Variants in LRP8 observed in about 807,000 individuals in gnomAD.
The protein encoded by LRP8 is low-density lipoprotein receptor-related protein 8.
LRP8 carries 46 observed loss-of-function variants against 111.6 expected under a neutral mutation model. That is an observed-to-expected ratio of 0.41 (90% CI 0.33 to 0.53). The LOEUF (loss-of-function observed/expected upper bound fraction) is 0.53. Ranked by LOEUF, LRP8 falls within the 20% of genes least tolerant of loss-of-function variation. LRP8 has a pLI of 0.20. For synonymous variants in LRP8, 464 were observed against 511.2 expected, an observed-to-expected ratio of 0.91 and a Z score of 1.24; for missense variants, 959 against 1,297.4, an observed-to-expected ratio of 0.74 and a Z score of 4.01.
chr1:53,321,625 G>T (rs993288664), intron 2 of LRP8, among the ~76,000 whole-genome samples: 3 of 152,066 alleles, frequency 2.0e-5, no homozygotes, highest in Non-Finnish European at 4.4e-5. Context: ...TTGTCAAGTC[G>T]GCCACCAGCA....
At chr1:53,263,772 T>G (rs1646438865) in intron 10 of LRP8, among the ~76,000 whole-genome samples, 1 of 152,196 alleles carries the variant, frequency 6.6e-6, no homozygotes, top group Non-Finnish European at 1.5e-5. Context: ...AGACCCACTT[T>G]CTAATGAGCA....
intron 2 of LRP8, among the ~76,000 whole-genome samples, chr1:53,313,312 C>A (rs987134194): frequency 3.9e-5 from 6 of 152,204 alleles, no homozygotes; most frequent in African/African-American, 1.4e-4. Context: ...ACAGCAGGCG[C>A]TTCCCAGGGA....
chr1:53,271,150 A>G lies in LRP8; in HGVS notation c.1130T>C (p.Ile377Thr), dbSNP rs1646748121. ...GGCATCTGGGTCCTTGCACTCATCAATGTCTGTGGGGAGGAGCAGGAGTCA... is the reference window on the plus strand; with the variant it reads ...GGCATCTGGGTCCTTGCACTCATCAGTGTCTGTGGGGAGGAGCAGGAGTCA... ...QLLDQKTCGD[I>T]DECKDPDACS... The change falls in exon 8 of 19, where the codon ATT becomes ACT. Residue 377 changes from isoleucine (I) to threonine (T), a missense_variant. Physicochemically the swap from Ile to Thr is moderately conservative, Grantham distance 89 (BLOSUM62 -1). This residue lies in a region of LRP8 where 819 missense variants were observed against 1,097.6 expected (regional missense o/e 0.75). Transcript: ENST00000306052. The G allele has an allele frequency of 6.2e-7, 1 of 1,613,588 alleles. No individual in the cohort carries two copies. Among genetic ancestry groups the G allele is most frequent in the Non-Finnish European group, 8.5e-7 (1 of 1,179,940 alleles).
chr1:53,278,994 C>G (rs905003669), intron 4 of LRP8, among the ~76,000 whole-genome samples: 2 of 150,560 alleles, frequency 1.3e-5, no homozygotes, highest in African/African-American at 4.9e-5. Context: ...CTCCTGACCT[C>G]GTGATCCTCC....
rs1645668088 is a variant in LRP8, at chr1:53,242,893, T to C, written c.*4125A>G. 1 of 151,506 alleles carries C rather than the reference T, an allele frequency of 6.6e-6. No homozygotes were observed. The highest frequency in any genetic ancestry group is 2.1e-4 in the South Asian group (1 of 4,806). 9.4% of individuals were successfully genotyped at this position (151,506 alleles called of 1,614,324 possible). A position where few individuals can be genotyped will look rare whatever the true frequency, so the allele number is the denominator to read the frequency against. ...CACACGTGGCTTTTTAAAAATTACT[T>C]TTTTATAGCACAAAGTGTTTGTAAA... On this transcript the variant is annotated 3_prime_UTR_variant, in exon 19 of 19. Coordinates refer to ENST00000306052, the MANE Select transcript of LRP8 (RefSeq NM_004631.5).
intron 2 of LRP8, among the ~76,000 whole-genome samples, chr1:53,302,331 G>A (rs938617556): frequency 5.3e-5 from 8 of 152,254 alleles, no homozygotes; most frequent in East Asian, 1.9e-4. Flanking sequence ...ACAGGGAGGT[G>A]TAAGCGTGTG....
In LRP8 at chr1:53,246,332, T is replaced by A. The variant is rs1557736730; in HGVS notation, c.*686A>T. The stretch of plus-strand genomic sequence containing the variant: ...TGTGGACTGTGTGAAAATAAATTTA[T>A]CTTTATGTATTTGAACAGTAGCCAT... On this transcript the variant is annotated 3_prime_UTR_variant, in exon 19 of 19. Coordinates refer to ENST00000306052, the MANE Select transcript of LRP8 (RefSeq NM_004631.5). 6.6e-6 allele frequency: 1 copy of A among 152,236 alleles called. No individual in the cohort carries two copies. The highest frequency in any genetic ancestry group is 1.5e-5 in the Non-Finnish European group (1 of 68,048). 9.4% of individuals were successfully genotyped at this position (152,236 alleles called of 1,614,324 possible).
In LRP8 at chr1:53,323,728, A is replaced by G. The variant is rs558861489; in HGVS notation, c.244+3145T>C. Among the ~76,000 whole-genome samples, 3 of 152,390 alleles carry G rather than the reference A, an allele frequency of 2.0e-5. No homozygotes were observed. The South Asian group carries it at 6.2e-4, about 32-fold the overall frequency. ...CTGTGGATGAGGCTCGGGACTTAGAAGGCCTCAGTTTGAGTTCCAGCTCCA... is the reference window on the plus strand; with the variant it reads ...CTGTGGATGAGGCTCGGGACTTAGAGGGCCTCAGTTTGAGTTCCAGCTCCA... On this transcript the variant is annotated intron_variant, in intron 2 of 18. Transcript: ENST00000306052.
chr1:53,320,425 T>C (rs898379698), intron 2 of LRP8, among the ~76,000 whole-genome samples: 1 of 152,204 alleles, frequency 6.6e-6, no homozygotes, highest in Non-Finnish European at 1.5e-5. Flanking sequence ...GGTGCCCTAC[T>C]GACGATGGAG....
In LRP8 at chr1:53,258,432, C is replaced by A. The variant is rs1646190898; in HGVS notation, c.2096G>T (p.Gly699Val). The A allele has an allele frequency of 3.1e-6, 5 of 1,614,092 alleles. No individual in the cohort carries two copies. The highest frequency in any genetic ancestry group is 4.2e-6 in the Non-Finnish European group (5 of 1,180,000). Residue 699 changes from glycine to valine, a missense_variant, in exon 14 of 19, where the codon GGC becomes GTC. By Grantham distance (109) the Gly-to-Val change is moderately radical. Coordinates refer to ENST00000306052, the MANE Select transcript of LRP8 (RefSeq NM_004631.5). ...AGCAGGAAGGCACAGGTATTCACAG[C>A]CTCCATTAGGCTGGACACTCAGCTC... ...ACELSVQPNG[G>V]CEYLCLPAPQ...
rs1344704753 is a variant in LRP8, at chr1:53,245,254, C to T, written c.*1764G>A. ...GGCATTTGCTTAAGTGTGTCAAGTT[C>T]CAGGTATGATGAGATTAGATGCAGC... is the stretch of plus-strand genomic sequence containing the variant. On this transcript the variant is annotated 3_prime_UTR_variant, in exon 19 of 19. Coordinates refer to ENST00000306052, the MANE Select transcript of LRP8 (RefSeq NM_004631.5). 1 of 152,152 alleles carries T rather than the reference C, an allele frequency of 6.6e-6. No individual in the cohort carries two copies. Among genetic ancestry groups the T allele is most frequent in the Non-Finnish European group, 1.5e-5 (1 of 68,042 alleles). The allele number at this position is 152,152 out of a possible 1,614,324, so 9.4% of individuals were successfully genotyped here.
At chr1:53,280,828 A>C (rs1416799181) in intron 3 of LRP8, 113 bp from the exon 4 acceptor site, 2 of 1,337,328 alleles carry the variant, frequency 1.5e-6, no homozygotes, top group African/African-American at 2.9e-5. Context: ...GGAGTCCATC[A>C]GGGCTCTTCT....
At chr1:53,256,785 A>C (rs1646104307) in intron 15 of LRP8, among the ~76,000 whole-genome samples, 1 of 152,206 alleles carries the variant, frequency 6.6e-6, no homozygotes, top group African/African-American at 2.4e-5. Context: ...AGATATTACT[A>C]TCTGGGGACC....
rs1444594093 is a variant in LRP8 at position 53,327,677 on chromosome 1, G to A, written c.124+112C>T. ...CGCTTCGCGTGGAGCCTGTCCGCCC[G>A]GGAGCCCCCGATAGCCCCGGGTTCT... On this transcript the variant is annotated intron_variant, in intron 1 of 18. Coordinates refer to ENST00000306052, the MANE Select transcript of LRP8 (RefSeq NM_004631.5). 3.9e-6 allele frequency: 5 copies of A among 1,292,904 alleles called. No individual in the cohort carries two copies. The African/African-American group carries it at 4.7e-5, about 12-fold the overall frequency. The allele number at this position is 1,292,904 out of a possible 1,614,324, so 80.1% of individuals were successfully genotyped here.
chr1:53,278,043 T>G (rs928037413), intron 4 of LRP8, among the ~76,000 whole-genome samples: 7 of 152,196 alleles, frequency 4.6e-5, no homozygotes, highest in African/African-American at 1.7e-4. Context: ...CTAGTCTGAG[T>G]TCAGTGGCCG....
intron 2 of LRP8, among the ~76,000 whole-genome samples, chr1:53,313,384 AGGGGCAC>A (rs1374331005): frequency 6.6e-6 from 1 of 151,750 alleles, no homozygotes; most frequent in African/African-American, 2.4e-5. Flanking sequence ...GCAAGGGGTC[AGGGGCAC>A]AGTGCACACT....
chr1:53,270,947 A>G lies in LRP8; in HGVS notation c.1252+81T>C, dbSNP rs560593803. 4.4e-6 allele frequency: 7 copies of G among 1,599,966 alleles called. No homozygotes were observed. In the African/African-American group the frequency reaches 5.4e-5, roughly 12 times the overall value. On this transcript the variant is annotated intron_variant, in intron 8 of 18. Coordinates refer to ENST00000306052, the MANE Select transcript of LRP8 (RefSeq NM_004631.5). ...CCTTCTTGTGTGTGCGCACATGTAC[A>G]CGCCCACTCCTCACAAGTGGAAGCA...
At chr1:53,253,891 T>C (rs530652014) in intron 16 of LRP8, among the ~76,000 whole-genome samples, 1 of 152,344 alleles carries the variant, frequency 6.6e-6, no homozygotes, top group East Asian at 1.9e-4. Context: ...CATAATGACA[T>C]GTATTAACAT....
Position 53,327,781 on chromosome 1 carries a change from G to A in LRP8, c.124+8C>T. On this transcript the variant is annotated splice_region_variant and intron_variant, in intron 1 of 18. Transcript: ENST00000306052. ...AGCAGAGCCGAGTCAGAGACCGGCTGCACGCACCTTGGCCGCCGAGCAGCG... is the reference window on the plus strand; with the variant it reads ...AGCAGAGCCGAGTCAGAGACCGGCTACACGCACCTTGGCCGCCGAGCAGCG... 2.0e-6 allele frequency: 3 copies of A among 1,509,260 alleles called. No individual in the cohort carries two copies. Among genetic ancestry groups the A allele is most frequent in the Non-Finnish European group, 2.6e-6 (3 of 1,134,182 alleles). The allele number at this position is 1,509,260 out of a possible 1,614,324, so 93.5% of individuals were successfully genotyped here.
Sources: gnomAD v4.1 joint callset for allele counts (sites outside exome capture counted in the v4.1 genomes callset) on GRCh38, gnomAD v4.1.1 for gene constraint, gnomAD v4.1.1 regional missense constraint, MANE v1.5 for transcripts, NCBI Gene and HGNC (gene_info 2026-07-23, HGNC 2026-07-21) for gene names.